Variants in NCOR1 observed in about 807,000 individuals in gnomAD.
The protein encoded by NCOR1 is protein phosphatase 1, regulatory subunit 109.
A neutral mutation model predicts 288.1 loss-of-function variants in NCOR1; 63 were observed. The observed-to-expected ratio is 0.22, with a 90% confidence interval of 0.18 to 0.27. The LOEUF (loss-of-function observed/expected upper bound fraction) is 0.27. Ranked by LOEUF, NCOR1 falls within the 10% of genes least tolerant of loss-of-function variation. The pLI is 1.00. For synonymous variants in NCOR1, 1,007 were observed against 1,065.9 expected, an observed-to-expected ratio of 0.94 and a Z score of 1.08; for missense variants, 2,397 against 3,019.2, an observed-to-expected ratio of 0.79 and a Z score of 4.83.
chr17:16,095,071 G>C (rs1281538406), intron 21 of NCOR1, among the ~76,000 whole-genome samples: 1 of 150,020 alleles, frequency 6.7e-6, no homozygotes, highest in African/African-American at 2.5e-5. Flanking sequence ...GCCCAGTCTG[G>C]AAAGTGAGGA....
At chr17:16,140,790 G>A (rs1292084554) in intron 11 of NCOR1, among the ~76,000 whole-genome samples, 2 of 151,180 alleles carry the variant, frequency 1.3e-5, no homozygotes, top group Admixed American at 1.3e-4. Flanking sequence ...TTCCAGTCTG[G>A]CTGACAGAGC....
chr17:16,083,465 T>G (rs187586097), intron 23 of NCOR1, among the ~76,000 whole-genome samples: 24 of 152,088 alleles, frequency 1.6e-4, no homozygotes, highest in Admixed American at 1.5e-3. Flanking sequence ...TGCTGAGAGA[T>G]ATAGATATAC....
At chr17:16,213,171 T>C (rs1404933740) in intron 1 of NCOR1, among the ~76,000 whole-genome samples, 1 of 152,028 alleles carries the variant, frequency 6.6e-6, no homozygotes, top group East Asian at 1.9e-4. Flanking sequence ...AACACAAATT[T>C]TACTGTTTTT....
At chr17:16,132,466 T>C (rs1469020781) in intron 14 of NCOR1, among the ~76,000 whole-genome samples, 1 of 152,184 alleles carries the variant, frequency 6.6e-6, no homozygotes, top group Non-Finnish European at 1.5e-5. Context: ...CAACAGTGGT[T>C]TTTGGCTTCC....
At chr17:16,214,240 A>G (rs2092374384) in intron 1 of NCOR1, among the ~76,000 whole-genome samples, 1 of 152,232 alleles carries the variant, frequency 6.6e-6, no homozygotes, top group Non-Finnish European at 1.5e-5. Context: ...ACATTTTAAA[A>G]AGCTATTAAA....
intron 17 of NCOR1, among the ~76,000 whole-genome samples, 188 bp downstream of exon 17, chr17:16,119,235 G>A (rs1170123983): frequency 6.6e-6 from 1 of 152,168 alleles, no homozygotes; most frequent in East Asian, 1.9e-4. Context: ...TCTTAAACAA[G>A]GCACACTGGG....
chr17:16,178,977 G>A (rs2084825622), intron 3 of NCOR1, among the ~76,000 whole-genome samples: 2 of 151,740 alleles, frequency 1.3e-5, no homozygotes, highest in African/African-American at 4.8e-5. Flanking sequence ...TTTTTGTAGT[G>A]CCTGCAGTTC....
chr17:16,113,892 CA>C (rs967507556), intron 18 of NCOR1, among the ~76,000 whole-genome samples: 15 of 146,312 alleles, frequency 1.0e-4, no homozygotes, highest in African/African-American at 3.5e-4. Flanking sequence ...GACTCCATCT[CA>C]AAAAAAAAGA....
intron 26 of NCOR1, among the ~76,000 whole-genome samples, chr17:16,078,683 C>A (rs2062916982): frequency 6.6e-6 from 1 of 152,108 alleles, no homozygotes; most frequent in Admixed American, 6.5e-5. Context: ...TCAAGTGATT[C>A]TCTTGCCTCA....
In NCOR1 at chr17:16,075,750, G is replaced by A. The variant is rs148692349; in HGVS notation, c.3502-48C>T. 12 of 1,600,288 alleles carry A rather than the reference G, an allele frequency of 7.5e-6. 1 individual carries two copies. The African/African-American group carries it at 1.6e-4, about 21-fold the overall frequency. ...TAGCAGAGGAGTCACTCGAGTTTAG[G>A]GAAAACACAAGATGCTCAGAAAATT... On this transcript the variant is annotated intron_variant, in intron 26 of 45. Coordinates refer to ENST00000268712, the MANE Select transcript of NCOR1 (RefSeq NM_006311.4).
chr17:16,144,113 T>TA (rs1345392519), intron 10 of NCOR1, among the ~76,000 whole-genome samples: 1 of 152,232 alleles, frequency 6.6e-6, no homozygotes, highest in African/African-American at 2.4e-5. Flanking sequence ...ACATGACTCT[T>TA]ACATGAGACA....
intron 4 of NCOR1, among the ~76,000 whole-genome samples, chr17:16,166,242 A>G (rs984226503): frequency 1.3e-5 from 2 of 152,246 alleles, no homozygotes; most frequent in Admixed American, 6.5e-5. Flanking sequence ...AATAGACTTA[A>G]TAGAATTAAA....
rs1406139714 is a variant in NCOR1, at chr17:16,098,467, A to G, written c.2720T>C (p.Leu907Pro). Residue 907 changes from leucine (L) to proline (P), a missense_variant, in exon 21 of 46, where the codon CTG becomes CCG. Physicochemically the swap from Leu to Pro is moderately conservative, Grantham distance 98 (BLOSUM62 -3). This residue lies in a region of NCOR1 where 1,872 missense variants were observed against 2,187.8 expected (regional missense o/e 0.86). Coordinates refer to ENST00000268712, the MANE Select transcript of NCOR1 (RefSeq NM_006311.4). The part of the protein sequence containing the change: ...RMFPMDSKPS[L>P]LNPTGSILVS... ...GAGTATAGATCCAGTGGGGTTTAAC[A>G]GTGAAGGCTTTGAGTCCATAGGAAA... 6.2e-7 allele frequency: 1 copy of G among 1,613,332 alleles called. No homozygotes were observed. Among genetic ancestry groups the G allele is most frequent in the Admixed American group, 1.7e-5 (1 of 59,920 alleles).
In NCOR1 at chr17:16,105,313, G is replaced by A. The variant is rs560132595; in HGVS notation, c.2182+3473C>T. Among the ~76,000 whole-genome samples, 22 of 152,206 alleles carry A rather than the reference G, an allele frequency of 1.4e-4. 1 individual carries two copies. The highest frequency in any genetic ancestry group is 5.1e-4 in the African/African-American group (21 of 41,514). On this transcript the variant is annotated intron_variant, in intron 19 of 45. Transcript: ENST00000268712. ...ACGCCTATGGTCCCAGATACTTGGG[G>A]GGATGAGGTGGGAAAATCGCTTGAG...
At chr17:16,061,297 C>A in intron 37 of NCOR1, 104 bp downstream of exon 37, 1 of 1,373,228 alleles carries the variant, frequency 7.3e-7, no homozygotes. Flanking sequence ...CATTTACTAT[C>A]AACCGTTAGG....
chr17:16,045,692 G>A (rs1333219799), intron 42 of NCOR1, among the ~76,000 whole-genome samples: 3 of 152,044 alleles, frequency 2.0e-5, no homozygotes, highest in Non-Finnish European at 4.4e-5. Context: ...TTTTAGTAGA[G>A]ACAGGGTTTC....
chr17:16,084,971 T>C (rs964415792), intron 23 of NCOR1, among the ~76,000 whole-genome samples: 1 of 152,166 alleles, frequency 6.6e-6, no homozygotes, highest in Non-Finnish European at 1.5e-5. Context: ...TATATAAAAA[T>C]TTGAAACTTC....
At chr17:16,063,627 A>T (rs928489355) in intron 35 of NCOR1, among the ~76,000 whole-genome samples, 1 of 152,214 alleles carries the variant, frequency 6.6e-6, no homozygotes, top group Non-Finnish European at 1.5e-5. Flanking sequence ...CCACTCGTGT[A>T]AATGTCCCTC....
At chr17:16,177,311 T>C (rs2084390923) in intron 3 of NCOR1, among the ~76,000 whole-genome samples, 1 of 151,624 alleles carries the variant, frequency 6.6e-6, no homozygotes, top group Non-Finnish European at 1.5e-5. Context: ...ATTAAGTTCT[T>C]TTATAGTGCA....
Sources: allele counts gnomAD v4.1 joint callset (sites outside exome capture counted in the v4.1 genomes callset), GRCh38; gene constraint gnomAD v4.1.1; regional missense constraint gnomAD v4.1.1; transcripts MANE v1.5; gene names NCBI Gene and HGNC (gene_info 2026-07-23, HGNC 2026-07-21).